The following PLCL1 variants were observed in gnomAD, a reference collection of about 807,000 sequenced individuals.
PLCL1 encodes phospholipase C like 1 (inactive).
A neutral mutation model predicts 84.4 loss-of-function variants in PLCL1; 41 were observed. The ratio of observed to expected loss-of-function variants is 0.49; its 90% confidence interval spans 0.38 to 0.63. PLCL1 has a LOEUF of 0.63. Ranked by LOEUF, PLCL1 falls within the 30% of genes least tolerant of loss-of-function variation. The pLI, the probability that PLCL1 is intolerant of heterozygous loss-of-function variation, is 0.00. For missense variants in PLCL1, 1,206 were observed against 1,367.8 expected (o/e 0.88, Z 1.87); for synonymous variants, 490 against 488.3 (o/e 1.00, Z -0.05).
intron 1 of PLCL1, among the ~76,000 whole-genome samples, chr2:197,866,254 T>G (rs1314218518): frequency 6.7e-6 from 1 of 148,162 alleles, no homozygotes; most frequent in Non-Finnish European, 1.5e-5. Flanking sequence ...GGCAGAAATT[T>G]ATGATAGCTT....
At chr2:197,950,064 G>A (rs377613828) in intron 1 of PLCL1, among the ~76,000 whole-genome samples, 1 of 152,182 alleles carries the variant, frequency 6.6e-6, no homozygotes, top group East Asian at 1.9e-4. Context: ...TCCAAATCCA[G>A]GTCACATTTG....
At chr2:197,931,180 G>A (rs1688924166) in intron 1 of PLCL1, among the ~76,000 whole-genome samples, 1 of 152,156 alleles carries the variant, frequency 6.6e-6, no homozygotes, top group Non-Finnish European at 1.5e-5. Flanking sequence ...GGAAGATAGA[G>A]CCTAAGAAGC....
chr2:198,123,786 T>C (rs559374173), intron 5 of PLCL1, among the ~76,000 whole-genome samples: 4 of 151,992 alleles, frequency 2.6e-5, no homozygotes, highest in African/African-American at 7.2e-5. Flanking sequence ...GGGAAACCAA[T>C]TGTGAACTGT....
At chr2:197,893,617 G>T (rs1011762370) in intron 1 of PLCL1, among the ~76,000 whole-genome samples, 2 of 152,152 alleles carry the variant, frequency 1.3e-5, no homozygotes, top group Non-Finnish European at 2.9e-5. Flanking sequence ...TTTGGCTAAG[G>T]TCAAAAGCAA....
chr2:197,994,872 C>A (rs567854696), intron 1 of PLCL1, among the ~76,000 whole-genome samples: 1 of 152,188 alleles, frequency 6.6e-6, no homozygotes, highest in Non-Finnish European at 1.5e-5. Flanking sequence ...CCAAAGCAGA[C>A]GTGTCCTAGG....
rs113932960 is a variant in PLCL1 at position 198,021,572 on chromosome 2, G to C, written c.241-62186G>C. Among the ~76,000 whole-genome samples, 1,462 of 152,070 alleles carry C rather than the reference G, an allele frequency of 9.6e-3. 23 individuals are homozygous for C. Among genetic ancestry groups the C allele is most frequent in the African/African-American group, 0.032 (1,310 of 41,500 alleles). ...AATGATAAAGGGGAGATCACCACTG[G>C]TCCCACAGAAATACAAACTACCATC... On this transcript the variant is annotated intron_variant, in intron 1 of 5. Transcript: ENST00000428675.
chr2:198,147,103 G>A lies in PLCL1; in HGVS notation c.*141G>A, dbSNP rs771594853. On this transcript the variant is annotated 3_prime_UTR_variant, in exon 6 of 6. Transcript: ENST00000428675. Reference sequence around the variant, plus strand: ...GGACATAGATATTTTCACAATGTCAGTATTTCAGTGTAGTTAATTTATCTA... The same window carrying A: ...GGACATAGATATTTTCACAATGTCAATATTTCAGTGTAGTTAATTTATCTA... 120 of 612,738 alleles carry A rather than the reference G, an allele frequency of 2.0e-4. 1 individual carries two copies. Among genetic ancestry groups the A allele is most frequent in the Non-Finnish European group, 2.8e-4 (100 of 360,588 alleles). The allele number at this position is 612,738 out of a possible 1,614,324, so 38.0% of individuals were successfully genotyped here.
intron 1 of PLCL1, among the ~76,000 whole-genome samples, chr2:197,988,998 C>A (rs1480018834): frequency 1.3e-5 from 2 of 151,836 alleles, no homozygotes; most frequent in Non-Finnish European, 2.9e-5. Context: ...TAGTTCAAAC[C>A]CAAGGGGATA....
At chr2:198,021,664 GAC>G (rs1387838121) in intron 1 of PLCL1, among the ~76,000 whole-genome samples, 1 of 152,020 alleles carries the variant, frequency 6.6e-6, no homozygotes, top group South Asian at 2.1e-4. Flanking sequence ...TAAATTCCTG[GAC>G]ACACACACCC....
At chr2:198,075,846 G>A (rs763746511) in intron 1 of PLCL1, among the ~76,000 whole-genome samples, 1 of 152,164 alleles carries the variant, frequency 6.6e-6, no homozygotes, top group East Asian at 1.9e-4. Context: ...GACAACATTA[G>A]TGTTGGGATT....
intron 5 of PLCL1, among the ~76,000 whole-genome samples, chr2:198,131,609 A>G (rs996570378): frequency 1.3e-5 from 2 of 152,196 alleles, no homozygotes; most frequent in African/African-American, 4.8e-5. Context: ...AAGTCAATTC[A>G]TAACTTATTA....
At chr2:198,134,732 A>G (rs1359261676) in intron 5 of PLCL1, among the ~76,000 whole-genome samples, 3 of 152,202 alleles carry the variant, frequency 2.0e-5, no homozygotes, top group Non-Finnish European at 2.9e-5. Flanking sequence ...AGGGAATGCC[A>G]TGCACGTAGA....
In PLCL1 at chr2:198,145,175, C is replaced by CT. The variant is rs572692111; in HGVS notation, c.3106-1595dup. On this transcript the variant is annotated intron_variant, in intron 5 of 5. Transcript: ENST00000428675. The stretch of plus-strand genomic sequence containing the variant: ...ACTTTTCAAAGTGGATGTGACTTCA[C>CT]TTTTTTTTTTAAATTTATGTTCTGG... Among the ~76,000 whole-genome samples, 98 of 149,928 alleles carry CT rather than the reference C, an allele frequency of 6.5e-4. 1 individual carries two copies. The highest frequency in any genetic ancestry group is 8.8e-4 in the Non-Finnish European group (59 of 67,240).
intron 1 of PLCL1, among the ~76,000 whole-genome samples, chr2:197,913,513 G>A (rs1215111315): frequency 6.6e-6 from 1 of 152,162 alleles, no homozygotes; most frequent in Non-Finnish European, 1.5e-5. Flanking sequence ...GTTAGAGGTG[G>A]GCAGAGGTTA....
intron 5 of PLCL1, among the ~76,000 whole-genome samples, chr2:198,131,420 T>C (rs561610166): frequency 3.6e-4 from 55 of 152,316 alleles, no homozygotes; most frequent in Middle Eastern, 3.4e-3. Context: ...AGACAGTCTC[T>C]ATTATTGTAA....
In PLCL1 at chr2:197,922,024, A is replaced by AT. The variant is rs1264465298; in HGVS notation, c.240+116692dup. Reference sequence around the variant, plus strand: ...CTTTTTTTTTTTTTTTTTTAAATTTATTTTTTTATTGATAATTCTTGGGTG... The same window carrying AT: ...CTTTTTTTTTTTTTTTTTTAAATTTATTTTTTTTATTGATAATTCTTGGGTG... On this transcript the variant is annotated intron_variant, in intron 1 of 5. Transcript: ENST00000428675. 1.4e-3 allele frequency among the ~76,000 whole-genome samples: 119 copies of AT among 87,368 alleles called. 1 individual carries two copies. Among genetic ancestry groups the AT allele is most frequent in the African/African-American group, 4.6e-3 (114 of 24,606 alleles). 57.3% of individuals were successfully genotyped at this position (87,368 alleles called of 152,430 possible).
Position 197,922,979 on chromosome 2 carries a change from C to T in PLCL1, c.240+117640C>T, listed in dbSNP as rs7576263. ...TGACCCCCCCACCTCCCTCCCGGAC[C>T]GGGCGGCTGGCCGGGCAGAGGGGCT... On this transcript the variant is annotated intron_variant, in intron 1 of 5. Coordinates refer to ENST00000428675, the MANE Select transcript of PLCL1 (RefSeq NM_006226.4). Among the ~76,000 whole-genome samples, 8 of 38,784 alleles carry T rather than the reference C, an allele frequency of 2.1e-4. No homozygotes were observed. In the South Asian group the frequency reaches 3.7e-3, roughly 18 times the overall value. 25.4% of individuals were successfully genotyped at this position (38,784 alleles called of 152,430 possible). A position where few individuals can be genotyped will look rare whatever the true frequency, so the allele number is the denominator to read the frequency against.
At chr2:198,115,496 CCTGATTTCCTGGAACACAGG>C (rs1319640229) in intron 5 of PLCL1, among the ~76,000 whole-genome samples, 5 of 151,734 alleles carry the variant, frequency 3.3e-5, no homozygotes, top group African/African-American at 1.2e-4. Context: ...CTTAACCATC[CCTGATTTCCTGGAACACAGG>C]GCTCAGATAA....
chr2:198,141,175 A>T (rs866577312), intron 5 of PLCL1, among the ~76,000 whole-genome samples: 3 of 152,216 alleles, frequency 2.0e-5, no homozygotes, highest in African/African-American at 7.2e-5. Context: ...TGGAGTAAAA[A>T]TTTAACTTTT....
Sources: allele counts gnomAD v4.1 joint callset (sites outside exome capture counted in the v4.1 genomes callset), GRCh38; gene constraint gnomAD v4.1.1; transcripts MANE v1.5; gene names NCBI Gene and HGNC (gene_info 2026-07-23, HGNC 2026-07-21).